The following SLC14A2 variants were observed in gnomAD, a reference collection of about 807,000 sequenced individuals.
The protein encoded by SLC14A2 is solute carrier family 14 member 2, also known as urea transporter 2.
In SLC14A2, 91 loss-of-function variants were observed where a neutral mutation model predicts 104.6. The ratio of observed to expected loss-of-function variants is 0.87; its 90% CI spans 0.73 to 1.04. The LOEUF (loss-of-function observed/expected upper bound fraction) is 1.04. Ranked by LOEUF, SLC14A2 falls within the 50% of genes least tolerant of loss-of-function variation. The pLI, the probability that SLC14A2 is intolerant of heterozygous loss-of-function variation, is 0.00. For synonymous variants in SLC14A2, 476 were observed against 466.4 expected, an observed-to-expected ratio of 1.02 and a Z score of -0.27; for missense variants, 1,189 against 1,156.0, an observed-to-expected ratio of 1.03 and a Z score of -0.41.
intron 1 of SLC14A2, among the ~76,000 whole-genome samples, chr18:45,481,457 C>T (rs1171553039): frequency 6.6e-6 from 1 of 151,984 alleles, no homozygotes; most frequent in Non-Finnish European, 1.5e-5. Context: ...TATTTAGATG[C>T]CTGAAATTGC....
chr18:45,183,860 C>CAAG, the SLC14A2 span, among the ~76,000 whole-genome samples: 3 of 148,488 alleles, frequency 2.0e-5, no homozygotes, highest in South Asian at 6.4e-4. Context: ...AGCCTCCCAA[C>CAAG]AAGCTGGAAC....
chr18:45,310,958 C>A (rs1389194801), intron 1 of SLC14A2, among the ~76,000 whole-genome samples: 2 of 152,144 alleles, frequency 1.3e-5, no homozygotes, highest in Admixed American at 6.5e-5. Context: ...GGGCCTGGGA[C>A]AATGGCTACT....
chr18:45,216,150 T>G (rs1358992318), intron 1 of SLC14A2, among the ~76,000 whole-genome samples: 3 of 152,234 alleles, frequency 2.0e-5, no homozygotes, highest in African/African-American at 7.2e-5. Context: ...TGGGGTAGAT[T>G]TAAGTATTCC....
chr18:45,593,483 A>C (rs1394865732), intron 2 of SLC14A2, among the ~76,000 whole-genome samples: 1 of 136,830 alleles, frequency 7.3e-6, no homozygotes, highest in Non-Finnish European at 1.5e-5. Context: ...GCATTTCCTT[A>C]ATCTTTTTTT....
intron 18 of SLC14A2, 99 bp downstream of exon 18, chr18:45,673,916 T>C (rs2046184277): frequency 8.2e-7 from 1 of 1,214,498 alleles, no homozygotes; most frequent in Non-Finnish European, 1.2e-6. Flanking sequence ...AATTAATAGA[T>C]TAAACACTAT....
At chr18:45,304,583 T>C (rs1362620275) in intron 1 of SLC14A2, among the ~76,000 whole-genome samples, 3 of 152,244 alleles carry the variant, frequency 2.0e-5, no homozygotes, top group African/African-American at 7.2e-5. Context: ...TTGTAACTTG[T>C]TAAAATGCAA....
chr18:45,522,218 G>T (rs535403739), intron 2 of SLC14A2, among the ~76,000 whole-genome samples: 1 of 152,334 alleles, frequency 6.6e-6, no homozygotes, highest in East Asian at 1.9e-4. Flanking sequence ...AGGAAAGTTG[G>T]CAGCGTCAAG....
intron 1 of SLC14A2, among the ~76,000 whole-genome samples, chr18:45,355,585 A>AAAAC (rs1274176246): frequency 6.6e-6 from 1 of 151,216 alleles, no homozygotes; most frequent in Non-Finnish European, 1.5e-5. Flanking sequence ...CTCAAAAAAA[A>AAAAC]AAAAAAAAAA....
At chr18:45,386,709 C>A (rs1011852678) in intron 1 of SLC14A2, among the ~76,000 whole-genome samples, 1 of 152,194 alleles carries the variant, frequency 6.6e-6, no homozygotes, top group African/African-American at 2.4e-5. Context: ...GACTTTGGGG[C>A]CAGGCCGGAA....
chr18:45,596,002 C>T (rs1342245538), intron 2 of SLC14A2, among the ~76,000 whole-genome samples: 2 of 152,132 alleles, frequency 1.3e-5, no homozygotes, highest in African/African-American at 2.4e-5. Context: ...CTGAGTGGTA[C>T]GGACTTCATC....
chr18:45,239,413 A>G (rs2144045407), intron 1 of SLC14A2, among the ~76,000 whole-genome samples: 1 of 152,314 alleles, frequency 6.6e-6, no homozygotes, highest in South Asian at 2.1e-4. Context: ...CTAACTAGAG[A>G]TAAGGTAACA....
chr18:45,506,768 A>G (rs9955092), intron 2 of SLC14A2, among the ~76,000 whole-genome samples: 4,725 of 152,348 alleles, frequency 0.031, 269 homozygotes, highest in African/African-American at 0.11. Context: ...AATTTCTCTT[A>G]TGCTGAAGTA....
intron 10 of SLC14A2, among the ~76,000 whole-genome samples, chr18:45,651,828 C>T (rs907376747): frequency 2.0e-5 from 3 of 152,228 alleles, no homozygotes; most frequent in Non-Finnish European, 4.4e-5. Flanking sequence ...TTTTCTAGAG[C>T]TTAACCAGTT....
intron 2 of SLC14A2, among the ~76,000 whole-genome samples, chr18:45,535,920 A>C (rs1436829228): frequency 6.6e-6 from 1 of 152,216 alleles, no homozygotes; most frequent in Non-Finnish European, 1.5e-5. Context: ...AGGACATTTA[A>C]TCAAAGGAAC....
chr18:45,226,998 CAAG>C (rs2084125566), intron 1 of SLC14A2, among the ~76,000 whole-genome samples: 1 of 152,060 alleles, frequency 6.6e-6, no homozygotes, highest in South Asian at 2.1e-4. Flanking sequence ...CTTCTTGTCA[CAAG>C]AAGGCTGTGC....
At chr18:45,455,860 A>T (rs2086935217) in intron 1 of SLC14A2, among the ~76,000 whole-genome samples, 2 of 152,196 alleles carry the variant, frequency 1.3e-5, no homozygotes, top group Non-Finnish European at 2.9e-5. Context: ...AGCAAGATAT[A>T]GGAGAAAGAG....
At chr18:45,610,131 C>T (rs1233667730) in intron 2 of SLC14A2, among the ~76,000 whole-genome samples, 2 of 152,130 alleles carry the variant, frequency 1.3e-5, no homozygotes, top group Non-Finnish European at 2.9e-5. Context: ...CCAGCACTGC[C>T]CCATTACACC....
chr18:45,347,926 C>A (rs987175642), intron 1 of SLC14A2, among the ~76,000 whole-genome samples: 1 of 152,244 alleles, frequency 6.6e-6, no homozygotes, highest in Non-Finnish European at 1.5e-5. Flanking sequence ...GGTGTCCCAA[C>A]CCACTTTATC....
At chr18:45,179,052 T>A in the SLC14A2 span, among the ~76,000 whole-genome samples, 1 of 152,162 alleles carries the variant, frequency 6.6e-6, no homozygotes, top group Non-Finnish European at 1.5e-5. Flanking sequence ...CAGTCTTTAA[T>A]CCCCAAGTCT....
Sources: gnomAD v4.1 joint callset for allele counts (sites outside exome capture counted in the v4.1 genomes callset) on GRCh38, gnomAD v4.1.1 for gene constraint, MANE v1.5 for transcripts, NCBI Gene and HGNC (gene_info 2026-07-23, HGNC 2026-07-21) for gene names.